The following AGBL1 variants were observed in gnomAD, a reference collection of about 807,000 sequenced individuals.
AGBL1 encodes AGBL carboxypeptidase 1, also known as cytosolic carboxypeptidase 4.
AGBL1 carries 130 observed loss-of-function variants against 118.9 expected under a neutral mutation model. That is an observed-to-expected ratio of 1.09 (90% CI 0.95 to 1.26). The LOEUF is 1.26. Ranked by LOEUF, AGBL1 falls within the 50% of genes most tolerant of loss-of-function variation. The probability of loss-of-function intolerance (pLI) is 0.00; values close to 1 mark genes in which losing one functional copy is unlikely to be tolerated. For synonymous variants in AGBL1, 555 were observed against 478.9 expected (o/e 1.16, Z -2.08); for missense variants, 1,584 against 1,298.1 (o/e 1.22, Z -3.38).
intron 21 of AGBL1, among the ~76,000 whole-genome samples, chr15:86,663,904 T>G (rs1238903127): frequency 6.6e-6 from 1 of 152,102 alleles, no homozygotes; most frequent in East Asian, 1.9e-4. Context: ...AATGATATAG[T>G]CTCTGATTCA....
intron 5 of AGBL1, among the ~76,000 whole-genome samples, chr15:86,166,331 C>G (rs1237549162): frequency 6.6e-6 from 1 of 152,178 alleles, no homozygotes; most frequent in Non-Finnish European, 1.5e-5. Context: ...ATGAGGAAGG[C>G]CTTGCATTCT....
chr15:87,001,298 T>C (rs2081434848), intron 24 of AGBL1, among the ~76,000 whole-genome samples: 1 of 151,852 alleles, frequency 6.6e-6, no homozygotes, highest in Admixed American at 6.6e-5. Context: ...GGCATCCCTG[T>C]CTTGTGCCAG....
intron 22 of AGBL1, among the ~76,000 whole-genome samples, chr15:86,881,787 C>G (rs1057301554): frequency 2.0e-5 from 3 of 152,158 alleles, no homozygotes; most frequent in Non-Finnish European, 4.4e-5. Context: ...AGCTGTGTGC[C>G]ACCACGCCCG....
At chr15:86,727,982 G>A (rs1418979838) in intron 22 of AGBL1, among the ~76,000 whole-genome samples, 2 of 152,182 alleles carry the variant, frequency 1.3e-5, no homozygotes, top group Non-Finnish European at 2.9e-5. Flanking sequence ...TTTGCAATAG[G>A]CAAGTTCCTT....
At chr15:86,179,254 C>T (rs2077521653) in intron 5 of AGBL1, among the ~76,000 whole-genome samples, 1 of 152,094 alleles carries the variant, frequency 6.6e-6, no homozygotes, top group African/African-American at 2.4e-5. Flanking sequence ...ATGACTAAAG[C>T]CTCGAGGTTA....
chr15:86,425,333 G>T (rs1027141739), intron 18 of AGBL1, among the ~76,000 whole-genome samples: 1 of 151,648 alleles, frequency 6.6e-6, no homozygotes, highest in African/African-American at 2.4e-5. Context: ...AGTGGGAGTT[G>T]AGCCATGAAA....
chr15:86,439,488 A>G (rs949511090), intron 18 of AGBL1, among the ~76,000 whole-genome samples: 7 of 152,184 alleles, frequency 4.6e-5, no homozygotes, highest in African/African-American at 1.4e-4. Flanking sequence ...CAGTAGAAAC[A>G]ATGTTCATTT....
chr15:86,314,481 A>T (rs905064952), intron 17 of AGBL1, among the ~76,000 whole-genome samples: 1 of 152,212 alleles, frequency 6.6e-6, no homozygotes, highest in Non-Finnish European at 1.5e-5. Context: ...GATATCCAAA[A>T]GAAGGATGAA....
intron 21 of AGBL1, among the ~76,000 whole-genome samples, chr15:86,665,447 C>CCTA: frequency 6.6e-6 from 1 of 152,152 alleles, no homozygotes; most frequent in East Asian, 1.9e-4. Flanking sequence ...TGAGAGTAAG[C>CCTA]CTACGATGAG....
chr15:86,161,170 T>A (rs1272663332), intron 5 of AGBL1, among the ~76,000 whole-genome samples: 1 of 152,176 alleles, frequency 6.6e-6, no homozygotes, highest in Non-Finnish European at 1.5e-5. Context: ...TATTTCTACA[T>A]GTCTGATTTG....
chr15:86,878,614 G>C (rs545351187), intron 22 of AGBL1, among the ~76,000 whole-genome samples: 2 of 151,466 alleles, frequency 1.3e-5, no homozygotes, highest in South Asian at 4.2e-4. Context: ...TGTTTTTCTT[G>C]TAAAGCACTT....
intron 23 of AGBL1, among the ~76,000 whole-genome samples, chr15:86,956,340 A>T (rs368106461): frequency 1.3e-5 from 2 of 152,084 alleles, no homozygotes; most frequent in Admixed American, 6.6e-5. Context: ...ATAGATAGAT[A>T]GATGATAGAT....
intron 23 of AGBL1, among the ~76,000 whole-genome samples, chr15:86,942,920 C>G (rs1241048396): frequency 6.6e-6 from 1 of 152,192 alleles, no homozygotes. Flanking sequence ...TTATTTCCTT[C>G]TAACACTGCA....
chr15:86,631,026 G>A (rs2084955497), intron 21 of AGBL1: 1 of 152,892 alleles, frequency 6.5e-6, no homozygotes, highest in Admixed American at 6.5e-5. Flanking sequence ...AACAGGAAGT[G>A]TCCTAGTCTG....
intron 24 of AGBL1, among the ~76,000 whole-genome samples, chr15:87,014,926 G>A (rs1050363220): frequency 6.6e-6 from 1 of 152,010 alleles, no homozygotes; most frequent in Non-Finnish European, 1.5e-5. Flanking sequence ...ATTGTTTCTC[G>A]GCGTCTCTCT....
intron 17 of AGBL1, chr15:86,297,042 C>T (rs550111960): frequency 1.3e-5 from 2 of 151,976 alleles, no homozygotes; most frequent in South Asian, 4.2e-4. Context: ...CATGCAAAGG[C>T]CCTTAAATAA....
At chr15:86,550,066 A>G (rs1345103451) in intron 20 of AGBL1, among the ~76,000 whole-genome samples, 1 of 152,144 alleles carries the variant, frequency 6.6e-6, no homozygotes. Context: ...AGAACAGAGA[A>G]AACAAGATTA....
intron 22 of AGBL1, among the ~76,000 whole-genome samples, chr15:86,678,457 C>T (rs973819743): frequency 1.3e-5 from 2 of 151,914 alleles, no homozygotes; most frequent in Admixed American, 1.3e-4. Flanking sequence ...TTCCTAATCA[C>T]GTCTTTGTGC....
intron 22 of AGBL1, among the ~76,000 whole-genome samples, chr15:86,879,544 C>T (rs999687657): frequency 6.6e-6 from 1 of 152,256 alleles, no homozygotes. Flanking sequence ...TTCACAGATG[C>T]ACCAACACAT....
Sources: gnomAD v4.1 joint callset for allele counts (sites outside exome capture counted in the v4.1 genomes callset) on GRCh38, gnomAD v4.1.1 for gene constraint, MANE v1.5 for transcripts, NCBI Gene and HGNC (gene_info 2026-07-23, HGNC 2026-07-21) for gene names.